Variants in AFF3 observed in about 807,000 individuals in gnomAD.
The protein encoded by AFF3 is ALF transcription elongation factor 3.
Under a neutral mutation model 129.7 loss-of-function variants are expected in AFF3, and 32 were observed. The ratio of observed to expected loss-of-function variants is 0.25; its 90% CI spans 0.19 to 0.33. AFF3 has a LOEUF of 0.33. Among genes scored for constraint, AFF3 ranks in the 10% least tolerant of loss-of-function variants. The probability of loss-of-function intolerance (pLI) is 1.00; values close to 1 mark genes in which losing one functional copy is unlikely to be tolerated. For missense variants in AFF3, 1,373 were observed against 1,592.0 expected (o/e 0.86, Z 2.34); for synonymous variants, 644 against 635.4 (o/e 1.01, Z -0.20).
intron 7 of AFF3, among the ~76,000 whole-genome samples, chr2:99,840,637 A>G (rs1282508852): frequency 1.3e-5 from 2 of 152,170 alleles, no homozygotes; most frequent in Non-Finnish European, 2.9e-5. Context: ...AGTTGGCCAC[A>G]TACTTATTAC....
chr2:99,658,963 G>A (rs1184336058), intron 12 of AFF3, among the ~76,000 whole-genome samples: 1 of 152,198 alleles, frequency 6.6e-6, no homozygotes, highest in African/African-American at 2.4e-5. Context: ...AAAGGAGATG[G>A]GAGGATTTCA....
chr2:99,930,815 G>T (rs1696618343), intron 7 of AFF3, among the ~76,000 whole-genome samples: 2 of 151,900 alleles, frequency 1.3e-5, no homozygotes, highest in South Asian at 4.1e-4. Flanking sequence ...AGCTCAAAAT[G>T]TATGCATTTT....
chr2:99,805,820 A>ACACG (rs971302783), intron 8 of AFF3, among the ~76,000 whole-genome samples: 1 of 150,054 alleles, frequency 6.7e-6, no homozygotes, highest in Non-Finnish European at 1.5e-5. Flanking sequence ...TCTTACACAC[A>ACACG]CACACACACA....
intron 13 of AFF3, among the ~76,000 whole-genome samples, chr2:99,635,988 T>C (rs1683616983): frequency 1.3e-5 from 2 of 152,280 alleles, no homozygotes; most frequent in South Asian, 4.1e-4. Flanking sequence ...GTGGGAACCT[T>C]CCAACAACAG....
chr2:100,043,143 G>A (rs372908873), intron 4 of AFF3, among the ~76,000 whole-genome samples: 1 of 152,098 alleles, frequency 6.6e-6, no homozygotes, highest in African/African-American at 2.4e-5. Context: ...AAACTGGGAC[G>A]TGAAAATGCC....
In AFF3 at chr2:99,581,626, C is replaced by A. The variant is rs549133581; in HGVS notation, c.2793+1172G>T. Among the ~76,000 whole-genome samples, 64 of 151,802 alleles carry A rather than the reference C, an allele frequency of 4.2e-4. 1 individual carries two copies. Among genetic ancestry groups the A allele is most frequent in the African/African-American group, 1.5e-3 (63 of 41,330 alleles). On this transcript the variant is annotated intron_variant, in intron 17 of 24. Coordinates refer to ENST00000672756, the MANE Select transcript of AFF3 (RefSeq NM_001386135.1). ...CTCCACCTCCCAGGTTCAAGCGATT[C>A]TCCTGCTTCAGCCTCCTGAGTAGCT...
chr2:99,686,418 C>CT lies in AFF3; in HGVS notation c.1092-13830dup, dbSNP rs1675065775. On this transcript the variant is annotated intron_variant, in intron 11 of 24. Transcript: ENST00000672756. ...ACTCATACTCCCATGTAGACTATTC[C>CT]TTTCTGACCAAGGAACTGGAGCTAT... 2.0e-5 allele frequency among the ~76,000 whole-genome samples: 3 copies of CT among 152,300 alleles called. No homozygotes were observed. The South Asian group carries it at 6.2e-4, about 32-fold the overall frequency.
chr2:99,890,441 A>C (rs1299777185), intron 7 of AFF3, among the ~76,000 whole-genome samples: 1 of 152,200 alleles, frequency 6.6e-6, no homozygotes, highest in African/African-American at 2.4e-5. Context: ...ACTTTTAACA[A>C]ATGATTGAGA....
chr2:99,960,801 G>A (rs1677146974), intron 7 of AFF3, among the ~76,000 whole-genome samples: 1 of 152,162 alleles, frequency 6.6e-6, no homozygotes, highest in African/African-American at 2.4e-5. Context: ...CAGCAGCAGT[G>A]CACATGGAAG....
At chr2:100,105,775 C>T (rs1221251896) in intron 2 of AFF3, 192 bp from the exon 3 acceptor site, 1 of 1,359,510 alleles carries the variant, frequency 7.4e-7, no homozygotes, top group Non-Finnish European at 9.8e-7. Flanking sequence ...CCTGACTCTC[C>T]TGACCTCTTG....
intron 11 of AFF3, among the ~76,000 whole-genome samples, chr2:99,693,717 A>G (rs1675901527): frequency 6.6e-6 from 1 of 152,196 alleles, no homozygotes; most frequent in Non-Finnish European, 1.5e-5. Context: ...TTACCAAAAA[A>G]TAATGTCATT....
intron 7 of AFF3, among the ~76,000 whole-genome samples, chr2:100,000,229 C>T (rs1681252188): frequency 6.6e-6 from 1 of 152,128 alleles, no homozygotes; most frequent in African/African-American, 2.4e-5. Flanking sequence ...CAGCTCAAAT[C>T]TTGTTGATTT....
intron 7 of AFF3, among the ~76,000 whole-genome samples, chr2:99,940,926 C>CATACCCCCACCTGTCTTTGTT (rs1674978531): frequency 6.6e-6 from 1 of 152,010 alleles, no homozygotes; most frequent in Non-Finnish European, 1.5e-5. Flanking sequence ...TTCTGTTTGT[C>CATACCCCCACCTGTCTTTGTT]ATACCCCCAC....
At chr2:99,943,198 C>T (rs1167941382) in intron 7 of AFF3, among the ~76,000 whole-genome samples, 1 of 152,198 alleles carries the variant, frequency 6.6e-6, no homozygotes, top group African/African-American at 2.4e-5. Flanking sequence ...CCAGGATCTA[C>T]AGCTGCAGAG....
In AFF3 at chr2:100,105,551, GC is replaced by G. The variant is rs772691905; in HGVS notation, c.-113del. ...TCTGGGTGTCGACTTCAAACTTGCC[GC>G]CCGTCTCCGGTCTGGAAAGGCAGGT... On this transcript the variant is annotated 5_prime_UTR_variant, in exon 3 of 25. Coordinates refer to ENST00000672756, the MANE Select transcript of AFF3 (RefSeq NM_001386135.1). The G allele has an allele frequency of 1.5e-6, 2 of 1,332,072 alleles. No homozygotes were observed. The allele number at this position is 1,332,072 out of a possible 1,614,324, so 82.5% of individuals were successfully genotyped here. A position where few individuals can be genotyped will look rare whatever the true frequency, so the allele number is the denominator to read the frequency against.
At chr2:99,865,230 C>A (rs560319906) in intron 7 of AFF3, among the ~76,000 whole-genome samples, 84 of 152,264 alleles carry the variant, frequency 5.5e-4, no homozygotes, top group Middle Eastern at 6.8e-3. Context: ...CATGGCCCAG[C>A]CATCAGGTGT....
At chr2:99,730,297 G>T (rs577120331) in intron 10 of AFF3, among the ~76,000 whole-genome samples, 1 of 152,124 alleles carries the variant, frequency 6.6e-6, no homozygotes. Context: ...CCTTTTTAAC[G>T]CAATGTACAG....
At chr2:99,895,289 A>T (rs1259881113) in intron 7 of AFF3, among the ~76,000 whole-genome samples, 1 of 152,228 alleles carries the variant, frequency 6.6e-6, no homozygotes, top group African/African-American at 2.4e-5. Flanking sequence ...TCCCACCAAC[A>T]AGGTGTTTCC....
intron 13 of AFF3, among the ~76,000 whole-genome samples, chr2:99,642,049 TGAA>T (rs1684250532): frequency 6.6e-6 from 1 of 152,228 alleles, no homozygotes; most frequent in African/African-American, 2.4e-5. Flanking sequence ...ACTGAATGAA[TGAA>T]GAAGTACAAA....
Sources: allele counts gnomAD v4.1 joint callset (sites outside exome capture counted in the v4.1 genomes callset), GRCh38; gene constraint gnomAD v4.1.1; transcripts MANE v1.5; gene names NCBI Gene and HGNC (gene_info 2026-07-23, HGNC 2026-07-21).